BOC: variants seen among roughly 807,000 people sequenced by gnomAD.
BOC encodes the protein brother of CDO.
Under a neutral mutation model 112.0 loss-of-function variants are expected in BOC, and 76 were observed. The observed-to-expected ratio is 0.68, with a 90% CI of 0.56 to 0.82. BOC has a LOEUF of 0.82. BOC is among the 40% of genes least tolerant of loss of function. The probability of loss-of-function intolerance (pLI) is 0.00; values close to 1 mark genes in which losing one functional copy is unlikely to be tolerated. For synonymous variants in BOC, 580 were observed against 599.8 expected, an observed-to-expected ratio of 0.97 and a Z score of 0.48; for missense variants, 1,309 against 1,511.7, an observed-to-expected ratio of 0.87 and a Z score of 2.22.
intron 2 of BOC, among the ~76,000 whole-genome samples, chr3:113,243,591 G>A (rs1332315323): frequency 2.6e-5 from 4 of 152,234 alleles, no homozygotes; most frequent in South Asian, 2.1e-4. Flanking sequence ...TCACTCAGGC[G>A]GTCGTAGGAT....
chr3:113,243,191 T>C (rs1002017470), intron 2 of BOC, among the ~76,000 whole-genome samples: 2 of 152,186 alleles, frequency 1.3e-5, no homozygotes, highest in African/African-American at 4.8e-5. Flanking sequence ...AAGAGATTGC[T>C]ACAAAGAAAC....
chr3:113,244,200 C>G (rs1038578119), intron 2 of BOC, among the ~76,000 whole-genome samples: 3 of 152,168 alleles, frequency 2.0e-5, no homozygotes, highest in Admixed American at 1.3e-4. Context: ...AATTTATGTC[C>G]CAAATATTGC....
intron 2 of BOC, among the ~76,000 whole-genome samples, chr3:113,231,344 T>C (rs13069666): frequency 0.52 from 78,528 of 152,102 alleles, 21,060 homozygotes; most frequent in East Asian, 0.77. Flanking sequence ...CTGACATTTT[T>C]CTATGACAAC....
chr3:113,277,866 T>A (rs977350183), intron 9 of BOC, among the ~76,000 whole-genome samples: 1 of 152,136 alleles, frequency 6.6e-6, no homozygotes, highest in African/African-American at 2.4e-5. Context: ...GTTTCTTTGA[T>A]GAGATCATTA....
At chr3:113,232,668 G>A (rs914603288) in intron 2 of BOC, among the ~76,000 whole-genome samples, 1 of 152,172 alleles carries the variant, frequency 6.6e-6, no homozygotes, top group African/African-American at 2.4e-5. Flanking sequence ...CACCCTATGA[G>A]GGAGGTATCC....
Position 113,274,354 on chromosome 3 carries a change from T to C in BOC, c.1235-21T>C. The C allele has an allele frequency of 6.7e-7, 1 of 1,491,024 alleles. No individual in the cohort carries two copies. Among genetic ancestry groups the C allele is most frequent in the Non-Finnish European group, 8.9e-7 (1 of 1,122,506 alleles). 92.4% of individuals were successfully genotyped at this position (1,491,024 alleles called of 1,614,324 possible). On this transcript the variant is annotated intron_variant, in intron 8 of 19. Coordinates refer to ENST00000682979, the MANE Select transcript of BOC (RefSeq NM_001378074.1). The surrounding 1 kb of genome is among the most constrained non-coding windows in gnomAD (Gnocchi z 4.8). ...AAACCAGGAGACTAACCTTTCCTTC[T>C]GCTTCCTGTTGGTCCTCCAGGCATA...
rs139314234 is a variant in BOC at position 113,227,750 on chromosome 3, A to T, written c.-82+11476A>T. 3.5e-4 allele frequency among the ~76,000 whole-genome samples: 52 copies of T among 148,584 alleles called. No homozygotes were observed. In the East Asian group the frequency reaches 7.6e-3, roughly 22 times the overall value. ...AAAACAAGTGTTTTATTTTGTAATT[A>T]AAAAAAAAACTTTACCCTTTAAAAA... is the stretch of plus-strand genomic sequence containing the variant. On this transcript the variant is annotated intron_variant, in intron 2 of 19. Transcript: ENST00000682979.
chr3:113,235,797 T>C (rs1943353743), intron 2 of BOC, among the ~76,000 whole-genome samples: 1 of 152,216 alleles, frequency 6.6e-6, no homozygotes, highest in African/African-American at 2.4e-5. Flanking sequence ...CAACGAAGAA[T>C]ATTTTTTGAA....
rs370529653 is a variant in BOC at position 113,286,677 on chromosome 3, C to A, written c.3163C>A (p.Pro1055Thr). 2 of 1,575,896 alleles carry A rather than the reference C, an allele frequency of 1.3e-6. No homozygotes were observed. The highest frequency in any genetic ancestry group is 1.7e-6 in the Non-Finnish European group (2 of 1,162,918). ...GTTCCTACTCTTTCTCCCCTCAGGGCCCCCATGCTGCTTGGGCCTTGTGCC... is the reference window on the plus strand; with the variant it reads ...GTTCCTACTCTTTCTCCCCTCAGGGACCCCATGCTGCTTGGGCCTTGTGCC... ...AVWDPPFHSG[P>T]PCCLGLVPVE... Residue 1055 changes from proline to threonine, a missense_variant and splice_region_variant, in exon 20 of 20, where the codon CCC (proline) becomes ACC (threonine). Transcript: ENST00000682979.
chr3:113,222,715 A>G (rs924141591), intron 2 of BOC, among the ~76,000 whole-genome samples: 1 of 152,202 alleles, frequency 6.6e-6, no homozygotes, highest in Non-Finnish European at 1.5e-5. Context: ...GGGGGTGCCC[A>G]GCTCACACTC....
intron 2 of BOC, among the ~76,000 whole-genome samples, chr3:113,244,590 C>T (rs1944677615): frequency 6.6e-6 from 1 of 152,178 alleles, no homozygotes; most frequent in Non-Finnish European, 1.5e-5. Flanking sequence ...ACTTCAGTGT[C>T]TTAGTCACAT....
In BOC at chr3:113,274,726, T is replaced by C. The variant is rs2107677419; in HGVS notation, c.1542+44T>C. On this transcript the variant is annotated intron_variant, in intron 9 of 19. Transcript: ENST00000682979. The surrounding 1 kb of genome is among the most constrained non-coding windows in gnomAD (Gnocchi z 4.8). ...GCTGCTGCCTCCCCTGCACAGCCTTTCCAGCAAGGCTGAGCAGAGTCACTG... is the reference window on the plus strand; with the variant it reads ...GCTGCTGCCTCCCCTGCACAGCCTTCCCAGCAAGGCTGAGCAGAGTCACTG... The C allele has an allele frequency of 6.5e-7, 1 of 1,530,072 alleles. No individual in the cohort carries two copies. Among genetic ancestry groups the C allele is most frequent in the Non-Finnish European group, 8.9e-7 (1 of 1,128,948 alleles). The allele number at this position is 1,530,072 out of a possible 1,614,324, so 94.8% of individuals were successfully genotyped here.
chr3:113,221,932 G>T (rs1940754959), intron 2 of BOC, among the ~76,000 whole-genome samples: 1 of 152,150 alleles, frequency 6.6e-6, no homozygotes, highest in South Asian at 2.1e-4. Flanking sequence ...GCTCACACTG[G>T]CTGGGCAGCC....
intron 2 of BOC, among the ~76,000 whole-genome samples, chr3:113,222,212 G>A (rs1305262943): frequency 2.0e-5 from 3 of 152,146 alleles, no homozygotes; most frequent in Non-Finnish European, 4.4e-5. Flanking sequence ...AGTGGAATCA[G>A]GGACTTTGTT....
intron 2 of BOC, among the ~76,000 whole-genome samples, chr3:113,240,705 G>T (rs1418125359): frequency 1.3e-5 from 2 of 152,144 alleles, no homozygotes; most frequent in African/African-American, 2.4e-5. Context: ...ACTATCCTTT[G>T]AGGAATTCTA....
intron 2 of BOC, among the ~76,000 whole-genome samples, chr3:113,220,324 A>G (rs1004102725): frequency 2.0e-5 from 3 of 152,200 alleles, no homozygotes; most frequent in Admixed American, 6.5e-5. Context: ...TGTAACAAAC[A>G]TGGAAAACCT....
Position 113,278,538 on chromosome 3 carries a change from A to C in BOC, c.1706-135A>C. The C allele has an allele frequency of 1.2e-6, 1 of 830,366 alleles. No homozygotes were observed. The highest frequency in any genetic ancestry group is 2.2e-5 in the Admixed American group (1 of 44,490). 51.4% of individuals were successfully genotyped at this position (830,366 alleles called of 1,614,324 possible). On this transcript the variant is annotated intron_variant, in intron 10 of 19. Coordinates refer to ENST00000682979, the MANE Select transcript of BOC (RefSeq NM_001378074.1). This position sits in a 1 kb window ranked among gnomAD's most constrained non-coding sequence, Gnocchi z 4.2. The stretch of plus-strand genomic sequence containing the variant: ...CAGTCTCGGCCGAGGCTGAGCCCAC[A>C]CCCTCAGTGCCCCGGATGCTTATTT...
chr3:113,280,810 A>G (rs905280362), intron 14 of BOC, 147 bp downstream of exon 14: 10 of 860,086 alleles, frequency 1.2e-5, no homozygotes, highest in Middle Eastern at 2.2e-4. Context: ...TGACTCATTC[A>G]TAATACCCTT....
At chr3:113,231,041 T>C (rs946692238) in intron 2 of BOC, among the ~76,000 whole-genome samples, 1 of 152,190 alleles carries the variant, frequency 6.6e-6, no homozygotes, top group Non-Finnish European at 1.5e-5. Context: ...GAGGAATTGA[T>C]TGCTGGAGAT....
Sources: allele counts gnomAD v4.1 joint callset (sites outside exome capture counted in the v4.1 genomes callset), GRCh38; gene constraint gnomAD v4.1.1; non-coding constraint Gnocchi (gnomAD v3.1); transcripts MANE v1.5; gene names NCBI Gene and HGNC (gene_info 2026-07-23, HGNC 2026-07-21).